Variants in FBXO15 observed in about 807,000 individuals in gnomAD.
The protein encoded by FBXO15 is F-box only protein 15.
Under a neutral mutation model 49.5 loss-of-function variants are expected in FBXO15, and 30 were observed. The observed-to-expected ratio is 0.61, with a 90% CI of 0.45 to 0.82. The LOEUF is 0.82. Ranked by LOEUF, FBXO15 falls within the 40% of genes least tolerant of loss-of-function variation. The pLI is 0.00. For missense variants in FBXO15, 591 were observed against 631.5 expected (o/e 0.94, Z 0.69); for synonymous variants, 250 against 232.7 (o/e 1.07, Z -0.68).
intron 9 of FBXO15, among the ~76,000 whole-genome samples, chr18:74,079,778 A>C (rs1029242802): frequency 6.6e-6 from 1 of 152,198 alleles, no homozygotes; most frequent in Non-Finnish European, 1.5e-5. Flanking sequence ...GAGGTCACTC[A>C]ACTCTGAGGT....
chr18:74,105,705 C>T (rs1568166448), intron 8 of FBXO15, among the ~76,000 whole-genome samples: 1 of 152,028 alleles, frequency 6.6e-6, no homozygotes, highest in Non-Finnish European at 1.5e-5. Context: ...CTCAGCCTCC[C>T]AAAGTGCTGG....
rs572735003 is a variant in FBXO15 at position 74,089,431 on chromosome 18, T to G, written c.1139-7380A>C. ...TTTGGATGCCTTTATTTCTTTGTCT[T>G]GTCTGATTGCTCTAGCCAGGACTTC... is the stretch of plus-strand genomic sequence containing the variant. On this transcript the variant is annotated intron_variant, in intron 8 of 9. Coordinates refer to ENST00000419743, the MANE Select transcript of FBXO15 (RefSeq NM_001142958.2). Among the ~76,000 whole-genome samples the G allele has an allele frequency of 2.0e-5, 3 of 152,330 alleles. No homozygotes were observed. The East Asian group carries it at 5.8e-4, about 29-fold the overall frequency.
chr18:74,125,773 A>G (rs532142398), intron 6 of FBXO15, among the ~76,000 whole-genome samples: 1 of 152,366 alleles, frequency 6.6e-6, no homozygotes, highest in South Asian at 2.1e-4. Context: ...AGAGTTGTCT[A>G]TCATAGCAGA....
chr18:74,119,663 C>CA (rs1914387529), intron 8 of FBXO15, among the ~76,000 whole-genome samples: 1 of 152,024 alleles, frequency 6.6e-6, no homozygotes, highest in South Asian at 2.1e-4. Flanking sequence ...AGGAGGGGCA[C>CA]ACCAAGAATG....
intron 8 of FBXO15, among the ~76,000 whole-genome samples, chr18:74,110,641 C>T (rs1259445938): frequency 6.7e-6 from 1 of 148,764 alleles, no homozygotes; most frequent in Non-Finnish European, 1.5e-5. Flanking sequence ...AAAAAAAAAA[C>T]AAGACCTAAC....
At chr18:74,117,221 G>A (rs1044241657) in intron 8 of FBXO15, among the ~76,000 whole-genome samples, 8 of 152,160 alleles carry the variant, frequency 5.3e-5, no homozygotes, top group African/African-American at 1.7e-4. Flanking sequence ...ATATATTTGA[G>A]TCCACCTTGG....
chr18:74,122,929 C>T (rs1245441311), intron 8 of FBXO15: 1 of 153,418 alleles, frequency 6.5e-6, no homozygotes, highest in African/African-American at 2.4e-5. Context: ...CAGCCTCTGT[C>T]CTGGCTTTGG....
chr18:74,113,825 G>A (rs1019986075), intron 8 of FBXO15, among the ~76,000 whole-genome samples: 2 of 152,180 alleles, frequency 1.3e-5, no homozygotes, highest in African/African-American at 2.4e-5. Flanking sequence ...TTGCATTGCT[G>A]ATCAGGCCCT....
intron 8 of FBXO15, among the ~76,000 whole-genome samples, chr18:74,107,350 G>GT (rs1040485074): frequency 1.3e-5 from 2 of 152,028 alleles, no homozygotes; most frequent in Non-Finnish European, 2.9e-5. Context: ...GAAGACATTA[G>GT]TTTTTTAAAA....
intron 6 of FBXO15, 139 bp from the exon 7 acceptor site, chr18:74,124,710 G>A (rs186808820): frequency 1.5e-6 from 1 of 686,622 alleles, no homozygotes; most frequent in East Asian, 2.6e-5. Context: ...CAGTGCTAAT[G>A]CATTATTACT....
intron 2 of FBXO15, 103 bp from the exon 3 acceptor site, chr18:74,135,969 C>G (rs972699044): frequency 1.2e-6 from 1 of 814,884 alleles, no homozygotes; most frequent in Admixed American, 2.8e-5. Flanking sequence ...AATAGAAGGC[C>G]GTAGAGAGAC....
At chr18:74,124,647 C>T in intron 6 of FBXO15, 76 bp from the exon 7 acceptor site, 2 of 1,267,632 alleles carry the variant, frequency 1.6e-6, no homozygotes, top group East Asian at 2.3e-5. Flanking sequence ...GTGAAGATCA[C>T]AGCACATTCA....
At chr18:74,123,948 T>G (rs1044947231) in intron 7 of FBXO15, among the ~76,000 whole-genome samples, 4 of 150,392 alleles carry the variant, frequency 2.7e-5, no homozygotes, top group African/African-American at 9.8e-5. Context: ...CATGACTACG[T>G]AAGGTGACAA....
At chr18:74,082,587 T>G (rs1209431612) in intron 8 of FBXO15, among the ~76,000 whole-genome samples, 1 of 152,194 alleles carries the variant, frequency 6.6e-6, no homozygotes, top group Non-Finnish European at 1.5e-5. Flanking sequence ...ACCCTGGCCC[T>G]CTGCTGCCAG....
intron 2 of FBXO15, among the ~76,000 whole-genome samples, chr18:74,137,337 T>C (rs1325695859): frequency 3.3e-5 from 5 of 152,250 alleles, no homozygotes. Context: ...TTTTTATATT[T>C]TGATTTAACT....
chr18:74,081,746 G>A (rs1186135281), intron 9 of FBXO15, among the ~76,000 whole-genome samples, 181 bp downstream of exon 9: 1 of 152,166 alleles, frequency 6.6e-6, no homozygotes, highest in African/African-American at 2.4e-5. Flanking sequence ...TCTCATGAGT[G>A]AATCCACTGG....
At chr18:74,124,429 A>AC (rs1178392614) in intron 7 of FBXO15, 60 bp downstream of exon 7, 2 of 1,366,750 alleles carry the variant, frequency 1.5e-6, no homozygotes, top group African/African-American at 2.9e-5. Context: ...GATGGCATCA[A>AC]CTTCTAATAC....
intron 1 of FBXO15, among the ~76,000 whole-genome samples, chr18:74,141,742 G>A (rs113054061): frequency 2.2e-4 from 34 of 152,130 alleles, no homozygotes; most frequent in Admixed American, 1.2e-3. Flanking sequence ...GGTGAAAAAG[G>A]AGCCCTTGCC....
chr18:74,090,200 G>A (rs911488252), intron 8 of FBXO15, among the ~76,000 whole-genome samples: 8 of 152,060 alleles, frequency 5.3e-5, no homozygotes, highest in East Asian at 1.9e-4. Context: ...CTAGCTTTAC[G>A]TGCATAGAGG....
Sources: allele counts gnomAD v4.1 joint callset (sites outside exome capture counted in the v4.1 genomes callset), GRCh38; gene constraint gnomAD v4.1.1; transcripts MANE v1.5; gene names NCBI Gene and HGNC (gene_info 2026-07-23, HGNC 2026-07-21).